The following LAMA2 variants were observed in gnomAD, a reference collection of about 807,000 sequenced individuals.
LAMA2 encodes the protein laminin subunit alpha 2.
In LAMA2, 269 loss-of-function variants were observed where a neutral mutation model predicts 364.8. The observed-to-expected ratio is 0.74, with a 90% CI of 0.67 to 0.82. The LOEUF (loss-of-function observed/expected upper bound fraction) is 0.82. Among genes scored for constraint, LAMA2 ranks in the 40% least tolerant of loss-of-function variants. The pLI is 0.00. For missense variants in LAMA2, 3,807 were observed against 3,873.2 expected, an observed-to-expected ratio of 0.98 and a Z score of 0.45; for synonymous variants, 1,379 against 1,370.6, an observed-to-expected ratio of 1.01 and a Z score of -0.14.
intron 22 of LAMA2, among the ~76,000 whole-genome samples, chr6:129,305,010 C>T (rs1197596814): frequency 6.6e-6 from 1 of 152,158 alleles, no homozygotes; most frequent in Non-Finnish European, 1.5e-5. Flanking sequence ...TACATGTTCT[C>T]TCAGTTACTG....
intron 12 of LAMA2, among the ~76,000 whole-genome samples, chr6:129,237,750 C>T (rs1350298926): frequency 6.6e-6 from 1 of 152,020 alleles, no homozygotes; most frequent in Non-Finnish European, 1.5e-5. Flanking sequence ...CCAAATTGAA[C>T]CCATATATTT....
intron 36 of LAMA2, among the ~76,000 whole-genome samples, chr6:129,392,146 A>G (rs773712054): frequency 7.9e-5 from 12 of 152,218 alleles, no homozygotes; most frequent in Non-Finnish European, 1.5e-4. Context: ...TAAACACCTA[A>G]TACTTTCAAA....
At chr6:129,066,233 G>A (rs1396374467) in intron 3 of LAMA2, among the ~76,000 whole-genome samples, 1 of 149,418 alleles carries the variant, frequency 6.7e-6, no homozygotes, top group African/African-American at 2.5e-5. Flanking sequence ...TTTTAGTAGA[G>A]ACGGGGTTTC....
In LAMA2 at chr6:129,388,553, C is replaced by T. The variant is rs148678987; in HGVS notation, c.5072-2938C>T. Among the ~76,000 whole-genome samples, 434 of 152,166 alleles carry T rather than the reference C, an allele frequency of 2.9e-3. 3 individuals are homozygous for T. Among genetic ancestry groups the T allele is most frequent in the African/African-American group, 0.01 (426 of 41,532 alleles). On this transcript the variant is annotated intron_variant, in intron 35 of 64. Coordinates refer to ENST00000421865, the MANE Select transcript of LAMA2 (RefSeq NM_000426.4). ...CTCTGCAGAAGTTTAGCTTTGAGAC[C>T]AGAGCACAAGAGAAATAGTGAGACT... is the stretch of plus-strand genomic sequence containing the variant.
intron 40 of LAMA2, among the ~76,000 whole-genome samples, chr6:129,414,485 A>G (rs543557694): frequency 6.6e-6 from 1 of 152,264 alleles, no homozygotes; most frequent in South Asian, 2.1e-4. Flanking sequence ...AAACATTAAC[A>G]TTTGCCAGAT....
At chr6:129,212,275 C>T (rs1015077542) in intron 12 of LAMA2, among the ~76,000 whole-genome samples, 1 of 152,032 alleles carries the variant, frequency 6.6e-6, no homozygotes, top group African/African-American at 2.4e-5. Context: ...TGGATATTTA[C>T]ATAGAAACAA....
rs370953983 is a variant in LAMA2, at chr6:128,911,757, CCAA to C, written c.112+28410_112+28412del. Among the ~76,000 whole-genome samples, 469 of 152,196 alleles carry C rather than the reference CCAA, an allele frequency of 3.1e-3. 4 individuals are homozygous for C. Among genetic ancestry groups the C allele is most frequent in the African/African-American group, 0.01 (429 of 41,526 alleles). On this transcript the variant is annotated intron_variant, in intron 1 of 64. Coordinates refer to ENST00000421865, the MANE Select transcript of LAMA2 (RefSeq NM_000426.4). ...TATATATACCCATATAACCGTCAGC[CCAA>C]CAACAACAAAAAATAGAACATTTCT... is the stretch of plus-strand genomic sequence containing the variant.
At chr6:129,017,091 A>C (rs1007929304) in intron 1 of LAMA2, among the ~76,000 whole-genome samples, 1 of 151,968 alleles carries the variant, frequency 6.6e-6, no homozygotes. Flanking sequence ...CCAGAACTAC[A>C]TTTAAATGCA....
At chr6:128,959,012 A>G (rs4585583) in intron 1 of LAMA2, among the ~76,000 whole-genome samples, 1 of 152,066 alleles carries the variant, frequency 6.6e-6, no homozygotes, top group Non-Finnish European at 1.5e-5. Context: ...AAATAAATAT[A>G]TAATGCTAAC....
At chr6:129,348,089 G>A (rs941966806) in intron 30 of LAMA2, among the ~76,000 whole-genome samples, 1 of 152,196 alleles carries the variant, frequency 6.6e-6, no homozygotes, top group African/African-American at 2.4e-5. Context: ...GATGCAGTCA[G>A]TATCAGGCTT....
chr6:129,492,178 A>T (rs1420766812), intron 57 of LAMA2, 101 bp downstream of exon 57: 1 of 1,398,670 alleles, frequency 7.1e-7, no homozygotes, highest in African/African-American at 1.4e-5. Flanking sequence ...GCAGGGGAGG[A>T]GGGAAACAAT....
chr6:129,339,786 C>A (rs1701760298), intron 29 of LAMA2, among the ~76,000 whole-genome samples: 1 of 152,074 alleles, frequency 6.6e-6, no homozygotes, highest in Non-Finnish European at 1.5e-5. Flanking sequence ...AGGCAGATCA[C>A]GGGGTCAAGA....
intron 12 of LAMA2, among the ~76,000 whole-genome samples, chr6:129,243,713 G>C (rs958642049): frequency 4.0e-5 from 6 of 151,770 alleles, no homozygotes; most frequent in Non-Finnish European, 5.9e-5. Context: ...ACTGATTGTA[G>C]TGGTCACATT....
intron 30 of LAMA2, among the ~76,000 whole-genome samples, chr6:129,345,063 G>C (rs1353922205): frequency 6.6e-6 from 1 of 152,118 alleles, no homozygotes; most frequent in African/African-American, 2.4e-5. Context: ...TCTGATTGGA[G>C]GGCTTCAAAT....
At chr6:129,381,323 A>G (rs377357041) in intron 34 of LAMA2, among the ~76,000 whole-genome samples, 103 of 148,994 alleles carry the variant, frequency 6.9e-4, no homozygotes, top group African/African-American at 2.3e-3. Flanking sequence ...AGTTTAGACT[A>G]CGAACATCTT....
intron 40 of LAMA2, among the ~76,000 whole-genome samples, chr6:129,426,943 G>A (rs1331216152): frequency 6.6e-6 from 1 of 152,076 alleles, no homozygotes; most frequent in Non-Finnish European, 1.5e-5. Flanking sequence ...TCTTGCACTT[G>A]CAATACTTTT....
intron 48 of LAMA2, 102 bp from the exon 49 acceptor site, chr6:129,460,098 A>C: frequency 9.2e-7 from 1 of 1,089,416 alleles, no homozygotes; most frequent in Non-Finnish European, 1.4e-6. Flanking sequence ...GAAAGAATGG[A>C]TAATGATAAC....
At chr6:129,368,871 C>T (rs1319605564) in intron 33 of LAMA2, among the ~76,000 whole-genome samples, 1 of 152,174 alleles carries the variant, frequency 6.6e-6, no homozygotes, top group Non-Finnish European at 1.5e-5. Context: ...TTAACTATGT[C>T]AGTGCTCCCC....
chr6:129,260,468 G>A (rs766865775), intron 14 of LAMA2, among the ~76,000 whole-genome samples: 50 of 152,184 alleles, frequency 3.3e-4, no homozygotes, highest in Non-Finnish European at 6.5e-4. Context: ...GCCAAGAGAC[G>A]AGGAAGAACA....
Sources: allele counts gnomAD v4.1 joint callset (sites outside exome capture counted in the v4.1 genomes callset), GRCh38; gene constraint gnomAD v4.1.1; transcripts MANE v1.5; gene names NCBI Gene and HGNC (gene_info 2026-07-23, HGNC 2026-07-21).